The following DMD variants were observed in gnomAD, a reference collection of about 807,000 sequenced individuals.
DMD encodes dystrophin.
DMD carries 63 observed loss-of-function variants against 330.1 expected under a neutral mutation model. The observed-to-expected ratio is 0.19, with a 90% CI of 0.16 to 0.24. DMD has a LOEUF of 0.24. Ranked by LOEUF, DMD falls within the 10% of genes least tolerant of loss-of-function variation. The probability of loss-of-function intolerance (pLI) is 1.00; values close to 1 mark genes in which losing one functional copy is unlikely to be tolerated. For synonymous variants in DMD, 1,223 were observed against 959.8 expected (o/e 1.27, Z -5.07); for missense variants, 3,344 against 2,684.1 (o/e 1.25, Z -5.43).
chrX:33,329,129 G>A (rs954554753), intron 1 of DMD, among the ~76,000 whole-genome samples: 7 of 111,426 alleles, frequency 6.3e-5, no homozygotes, highest in African/African-American at 2.0e-4. Context: ...GGGAGGAAAT[G>A]TTATCCTTAC....
intron 7 of DMD, among the ~76,000 whole-genome samples, chrX:32,759,173 A>G (rs2071905280): frequency 8.9e-6 from 1 of 112,093 alleles, no homozygotes; most frequent in Non-Finnish European, 1.9e-5. Context: ...CTTCACAAAT[A>G]ATTTTACTTC....
intron 18 of DMD, among the ~76,000 whole-genome samples, chrX:32,504,223 G>T (rs183420869): frequency 8.9e-6 from 1 of 111,845 alleles, no homozygotes; most frequent in South Asian, 3.7e-4. Context: ...TTATTCACTG[G>T]ATCAACTTCA....
Position 32,461,391 on chromosome X carries a change from C to A in DMD, c.3432+2048G>T, listed in dbSNP as rs752631027. Among the ~76,000 whole-genome samples the A allele has an allele frequency of 3.6e-5, 4 of 110,625 alleles. No individual in the cohort carries two copies. The South Asian group carries it at 1.5e-3, about 42-fold the overall frequency. On this transcript the variant is annotated intron_variant, in intron 25 of 78. Coordinates refer to ENST00000357033, the MANE Select transcript of DMD (RefSeq NM_004006.3). ...ATTTGGCTACAAAGTCAGAACATGG[C>A]CAGAGTGATACTTGTAGGAAAAGCA...
At chrX:32,565,665 T>G in intron 16 of DMD, 37 bp downstream of exon 16, 29 of 1,174,945 alleles carry the variant, frequency 2.5e-5, no homozygotes, top group Non-Finnish European at 3.1e-5. Flanking sequence ...AAAAAATCTC[T>G]GAGATAGTCT....
At chrX:33,329,609 T>G (rs780040763) in intron 1 of DMD, among the ~76,000 whole-genome samples, 5 of 111,515 alleles carry the variant, frequency 4.5e-5, no homozygotes, top group Non-Finnish European at 9.4e-5. Flanking sequence ...AAGAAACAAA[T>G]TAGATAGATC....
intron 1 of DMD, among the ~76,000 whole-genome samples, chrX:33,093,822 A>C (rs1042621827): frequency 2.1e-4 from 23 of 111,425 alleles, no homozygotes; most frequent in African/African-American, 7.5e-4. Context: ...AATCTTGATG[A>C]GTTTTCAGAT....
At chrX:33,317,953 A>G (rs1165457889) in intron 1 of DMD, among the ~76,000 whole-genome samples, 5 of 111,572 alleles carry the variant, frequency 4.5e-5, no homozygotes, top group Non-Finnish European at 9.4e-5. Context: ...CCCTTGTCTG[A>G]TTTCAGTAAA....
chrX:32,456,550 G>C (rs1019255879), intron 25 of DMD, among the ~76,000 whole-genome samples: 1 of 106,603 alleles, frequency 9.4e-6, no homozygotes, highest in Non-Finnish European at 1.9e-5. Context: ...AAGACTTCTA[G>C]TAAAAACTAT....
intron 12 of DMD, among the ~76,000 whole-genome samples, chrX:32,601,400 G>A (rs1297974655): frequency 9.0e-6 from 1 of 111,546 alleles, no homozygotes; most frequent in Non-Finnish European, 1.9e-5. Flanking sequence ...AGAAATGAAT[G>A]TTTATGTTTC....
chrX:31,700,170 A>G (rs1328584555), intron 52 of DMD, among the ~76,000 whole-genome samples: 1 of 107,372 alleles, frequency 9.3e-6, no homozygotes, highest in Non-Finnish European at 1.9e-5. Flanking sequence ...TAGGCAACAT[A>G]GTGAGACTCT....
chrX:31,367,868 T>C (rs780566731), intron 60 of DMD, among the ~76,000 whole-genome samples: 2 of 111,863 alleles, frequency 1.8e-5, no homozygotes, highest in South Asian at 7.6e-4. Context: ...TGAATTCTTG[T>C]ATTATTATTA....
chrX:31,143,040 T>C (rs899281736), intron 76 of DMD, among the ~76,000 whole-genome samples: 5 of 112,374 alleles, frequency 4.4e-5, no homozygotes, highest in African/African-American at 1.6e-4. Context: ...ATCCCAGCCT[T>C]GTATCTCAAA....
chrX:32,549,136 G>T (rs1250170943), intron 16 of DMD, among the ~76,000 whole-genome samples: 1 of 111,802 alleles, frequency 8.9e-6, no homozygotes. Context: ...CTTTACATTT[G>T]GGAGCTGATT....
chrX:31,329,969 C>CA (rs142353794), intron 61 of DMD, among the ~76,000 whole-genome samples: 383 of 12,852 alleles, frequency 0.03, 48 homozygotes, highest in African/African-American at 0.036. Context: ...GATTCCATCT[C>CA]AAAAAAAAAA....
chrX:31,243,216 C>T (rs1315291043), intron 63 of DMD, among the ~76,000 whole-genome samples: 1 of 112,022 alleles, frequency 8.9e-6, no homozygotes, highest in Admixed American at 9.5e-5. Context: ...AAGCAATCTT[C>T]CTTTTCTGTT....
At chrX:31,500,560 C>T (rs147805452) in intron 56 of DMD, among the ~76,000 whole-genome samples, 1,946 of 112,151 alleles carry the variant, frequency 0.017, 48 homozygotes, top group African/African-American at 0.059. Flanking sequence ...ATACATTTAT[C>T]GGAAGCAGTT....
chrX:31,963,082 C>A (rs1214939645), intron 45 of DMD, among the ~76,000 whole-genome samples: 2 of 111,742 alleles, frequency 1.8e-5, no homozygotes, highest in Non-Finnish European at 1.9e-5. Flanking sequence ...ACTTAAGAGA[C>A]AACAGTTGTC....
At chrX:31,169,391 T>C (rs2039764019) in intron 74 of DMD, 52 bp downstream of exon 74, 3 of 970,225 alleles carry the variant, frequency 3.1e-6, no homozygotes, top group Non-Finnish European at 4.4e-6. Flanking sequence ...TTTCTATGTG[T>C]GCAAGTGTAT....
intron 48 of DMD, among the ~76,000 whole-genome samples, chrX:31,863,495 T>C (rs111639902): frequency 0.058 from 6,460 of 112,093 alleles, 464 homozygotes; most frequent in African/African-American, 0.19. Flanking sequence ...TGGTGCATTG[T>C]AGTCAAGATA....
Sources: gnomAD v4.1 joint callset for allele counts (sites outside exome capture counted in the v4.1 genomes callset) on GRCh38, gnomAD v4.1.1 for gene constraint, MANE v1.5 for transcripts, NCBI Gene and HGNC (gene_info 2026-07-23, HGNC 2026-07-21) for gene names.